Variants in ASTN2 observed in about 807,000 individuals in gnomAD.
The protein encoded by ASTN2 is astrotactin-2.
In ASTN2, 54 loss-of-function variants were observed where a neutral mutation model predicts 139.8. The ratio of observed to expected loss-of-function variants is 0.39; its 90% confidence interval spans 0.31 to 0.48. The LOEUF is 0.48. ASTN2 is among the 20% of genes least tolerant of loss of function. The pLI is 0.95. For missense variants in ASTN2, 1,565 were observed against 1,725.1 expected, an observed-to-expected ratio of 0.91 and a Z score of 1.64; for synonymous variants, 756 against 719.5, an observed-to-expected ratio of 1.05 and a Z score of -0.81.
chr9:116,432,491 C>T (rs1847528425), intron 22 of ASTN2, among the ~76,000 whole-genome samples: 1 of 152,158 alleles, frequency 6.6e-6, no homozygotes, highest in Admixed American at 6.5e-5. Flanking sequence ...TTCTCTGTTG[C>T]CTAACCTTCA....
chr9:117,383,360 T>A (rs931939004), intron 1 of ASTN2, among the ~76,000 whole-genome samples: 2 of 152,082 alleles, frequency 1.3e-5, no homozygotes, highest in Non-Finnish European at 2.9e-5. Flanking sequence ...GCCTACAAAC[T>A]GACTGACTGG....
At chr9:117,242,834 C>T (rs1037326814) in intron 2 of ASTN2, among the ~76,000 whole-genome samples, 6 of 152,162 alleles carry the variant, frequency 3.9e-5, no homozygotes, top group African/African-American at 1.4e-4. Flanking sequence ...TTTTGGAATC[C>T]CACAGGGAAC....
chr9:116,654,284 G>A (rs1858087782), intron 16 of ASTN2, among the ~76,000 whole-genome samples: 1 of 152,146 alleles, frequency 6.6e-6, no homozygotes, highest in Admixed American at 6.6e-5. Context: ...ACAGAATTGA[G>A]TAGTTACAAC....
chr9:116,939,297 G>A (rs1405237191), intron 10 of ASTN2, among the ~76,000 whole-genome samples: 1 of 151,976 alleles, frequency 6.6e-6, no homozygotes, highest in Non-Finnish European at 1.5e-5. Flanking sequence ...CTAGCACACA[G>A]AAAATACTCA....
intron 17 of ASTN2, among the ~76,000 whole-genome samples, chr9:116,621,396 T>C (rs1856139066): frequency 6.7e-6 from 1 of 149,604 alleles, no homozygotes; most frequent in South Asian, 2.1e-4. Flanking sequence ...ATGTGCTTCA[T>C]AGTCTTTTTA....
chr9:116,659,381 T>C (rs966458070), intron 16 of ASTN2, among the ~76,000 whole-genome samples: 2 of 152,154 alleles, frequency 1.3e-5, no homozygotes, highest in African/African-American at 4.8e-5. Context: ...CTGACTCCTG[T>C]CCCACTAGTG....
At chr9:116,624,391 ACTAACTTC>A (rs1180721467) in intron 17 of ASTN2, among the ~76,000 whole-genome samples, 1 of 152,210 alleles carries the variant, frequency 6.6e-6, no homozygotes, top group African/African-American at 2.4e-5. Flanking sequence ...AGACCAAGTC[ACTAACTTC>A]AAAGGATCCG....
chr9:116,915,680 A>C (rs1008017594), intron 10 of ASTN2, among the ~76,000 whole-genome samples: 3 of 152,172 alleles, frequency 2.0e-5, no homozygotes. Flanking sequence ...TGGTGGATGC[A>C]TCCATGTGCC....
chr9:117,194,353 C>G lies in ASTN2; in HGVS notation c.1015+20005G>C, dbSNP rs546149517. Among the ~76,000 whole-genome samples the G allele has an allele frequency of 3.3e-5, 5 of 152,270 alleles. No individual in the cohort carries two copies. In the East Asian group the frequency reaches 9.7e-4, roughly 29 times the overall value. On this transcript the variant is annotated intron_variant, in intron 3 of 22. Coordinates refer to ENST00000313400, the MANE Select transcript of ASTN2 (RefSeq NM_001365068.1). Reference sequence around the variant, plus strand: ...GGCCTCTGGCACTTTATTAGCTCCTCTAAGAAAGAGGTTTTTAAACTTAAG... The same window carrying G: ...GGCCTCTGGCACTTTATTAGCTCCTGTAAGAAAGAGGTTTTTAAACTTAAG...
chr9:117,411,817 A>G (rs933206557), intron 1 of ASTN2, among the ~76,000 whole-genome samples: 1 of 152,186 alleles, frequency 6.6e-6, no homozygotes, highest in Admixed American at 6.5e-5. Context: ...GGCACTGGCC[A>G]TGTCCGTATC....
At chr9:117,016,813 T>TTATATATATG (rs1837727341) in intron 6 of ASTN2, among the ~76,000 whole-genome samples, 1 of 92,570 alleles carries the variant, frequency 1.1e-5, no homozygotes, top group South Asian at 2.7e-4. Flanking sequence ...TATATATGTT[T>TTATATATATG]TATATATATA....
chr9:116,705,720 G>T (rs1827972363), intron 16 of ASTN2, among the ~76,000 whole-genome samples: 1 of 142,462 alleles, frequency 7.0e-6, no homozygotes, highest in African/African-American at 2.5e-5. Flanking sequence ...CAGAGATAAG[G>T]TATGTAAACA....
At chr9:117,205,712 A>G (rs561097361) in intron 3 of ASTN2, among the ~76,000 whole-genome samples, 34 of 152,298 alleles carry the variant, frequency 2.2e-4, no homozygotes, top group Non-Finnish European at 4.4e-4. Context: ...GGGCCAAACT[A>G]AAAAATAAGG....
At chr9:116,866,786 G>C (rs189334119) in intron 10 of ASTN2, among the ~76,000 whole-genome samples, 1 of 151,754 alleles carries the variant, frequency 6.6e-6, no homozygotes, top group Non-Finnish European at 1.5e-5. Context: ...CCAGTTACTC[G>C]GGAGGCTGAG....
intron 10 of ASTN2, among the ~76,000 whole-genome samples, chr9:116,905,993 C>T (rs1346636981): frequency 6.6e-6 from 1 of 151,944 alleles, no homozygotes; most frequent in Non-Finnish European, 1.5e-5. Context: ...TGCACTTGTG[C>T]CCTTCACAGC....
chr9:116,433,869 T>G (rs1293159877), intron 22 of ASTN2, among the ~76,000 whole-genome samples: 1 of 152,238 alleles, frequency 6.6e-6, no homozygotes, highest in African/African-American at 2.4e-5. Context: ...TTGCTTTCTC[T>G]TTTCATCCAC....
At chr9:116,820,231 T>C (rs1255980296) in intron 12 of ASTN2, among the ~76,000 whole-genome samples, 4 of 152,214 alleles carry the variant, frequency 2.6e-5, no homozygotes, top group African/African-American at 9.6e-5. Context: ...TGTGCTTTTA[T>C]GCACCATACC....
intron 6 of ASTN2, among the ~76,000 whole-genome samples, chr9:117,016,530 C>T (rs1391841919): frequency 1.4e-5 from 2 of 146,570 alleles, no homozygotes; most frequent in Non-Finnish European, 3.0e-5. Context: ...CTCATCACTG[C>T]ATATCCCAGA....
intron 11 of ASTN2, among the ~76,000 whole-genome samples, chr9:116,826,665 A>G (rs1390182057): frequency 2.0e-5 from 3 of 152,010 alleles, no homozygotes; most frequent in African/African-American, 7.2e-5. Flanking sequence ...CTACCCATAC[A>G]TCAGGCCCAC....
Sources: allele counts gnomAD v4.1 joint callset (sites outside exome capture counted in the v4.1 genomes callset), GRCh38; gene constraint gnomAD v4.1.1; transcripts MANE v1.5; gene names NCBI Gene and HGNC (gene_info 2026-07-23, HGNC 2026-07-21).